Variants in HEMK2 observed in about 807,000 individuals in gnomAD.
The protein encoded by HEMK2 is HemK methyltransferase 2, ETF1 glutamine and histone H4 lysine.
the HEMK2 span, among the ~76,000 whole-genome samples, chr21:28,587,481 T>G: frequency 6.6e-6 from 1 of 152,188 alleles, no homozygotes; most frequent in Non-Finnish European, 1.5e-5. Flanking sequence ...TGTGACAAAT[T>G]TCTAAGACAC....
the HEMK2 span, among the ~76,000 whole-genome samples, chr21:28,849,514 C>A: frequency 6.6e-6 from 1 of 152,142 alleles, no homozygotes; most frequent in East Asian, 1.9e-4. Context: ...AGCAGTGATT[C>A]TTAACCAGGC....
the HEMK2 span, among the ~76,000 whole-genome samples, chr21:28,759,137 T>C: frequency 6.6e-6 from 1 of 152,218 alleles, no homozygotes; most frequent in East Asian, 1.9e-4. Flanking sequence ...CTTGGTTTAA[T>C]GCTCAGCTGC....
At chr21:28,878,101 G>T in the HEMK2 span, 1 of 1,136,490 alleles carries the variant, frequency 8.8e-7, no homozygotes. Context: ...TCATTAACAT[G>T]CCAGGTTATC....
chr21:28,782,541 G>C, the HEMK2 span, among the ~76,000 whole-genome samples: 1 of 152,036 alleles, frequency 6.6e-6, no homozygotes, highest in South Asian at 2.1e-4. Flanking sequence ...ACTTCTTCAT[G>C]TCATAAAAGG....
chr21:28,867,182 A>C, the HEMK2 span, among the ~76,000 whole-genome samples: 1 of 152,230 alleles, frequency 6.6e-6, no homozygotes, highest in Admixed American at 6.5e-5. Context: ...ACCAACAGAC[A>C]TGTACAGAGA....
the HEMK2 span, among the ~76,000 whole-genome samples, chr21:28,810,307 T>C: frequency 6.6e-6 from 1 of 152,122 alleles, no homozygotes; most frequent in South Asian, 2.1e-4. Flanking sequence ...AATAATTTAA[T>C]AGACGGACTC....
At chr21:28,820,124 C>T in the HEMK2 span, among the ~76,000 whole-genome samples, 1 of 152,128 alleles carries the variant, frequency 6.6e-6, no homozygotes, top group African/African-American at 2.4e-5. Context: ...AACTTGACCC[C>T]AAAATATGGC....
chr21:28,635,218 G>A, the HEMK2 span, among the ~76,000 whole-genome samples: 26 of 151,276 alleles, frequency 1.7e-4, no homozygotes, highest in Middle Eastern at 3.4e-3. Context: ...TCTCCTGCCT[G>A]AGCCTCCCAA....
the HEMK2 span, among the ~76,000 whole-genome samples, chr21:28,865,315 A>T: frequency 6.6e-6 from 1 of 151,980 alleles, no homozygotes; most frequent in Non-Finnish European, 1.5e-5. Flanking sequence ...ACAGGTGCAC[A>T]CCAGAATGCC....
At chr21:28,687,036 G>A in the HEMK2 span, among the ~76,000 whole-genome samples, 3 of 152,152 alleles carry the variant, frequency 2.0e-5, no homozygotes, top group Non-Finnish European at 4.4e-5. Flanking sequence ...GAGTATCAGA[G>A]GTTGAACAAA....
At chr21:28,838,505 G>C in the HEMK2 span, among the ~76,000 whole-genome samples, 1 of 151,510 alleles carries the variant, frequency 6.6e-6, no homozygotes, top group Non-Finnish European at 1.5e-5. Flanking sequence ...CTGCACTCCA[G>C]CCTGGGCGAC....
At chr21:28,752,374 C>T in the HEMK2 span, among the ~76,000 whole-genome samples, 4 of 152,160 alleles carry the variant, frequency 2.6e-5, no homozygotes, top group East Asian at 1.9e-4. Context: ...CCTCACTTGA[C>T]GGAGCACATC....
chr21:28,616,216 A>G, the HEMK2 span, among the ~76,000 whole-genome samples: 3 of 152,190 alleles, frequency 2.0e-5, no homozygotes, highest in Admixed American at 6.5e-5. Flanking sequence ...AGATAGTGCT[A>G]ATAATATAAG....
the HEMK2 span, among the ~76,000 whole-genome samples, chr21:28,739,376 T>C: frequency 6.6e-6 from 1 of 152,214 alleles, no homozygotes; most frequent in African/African-American, 2.4e-5. Flanking sequence ...TTTCTGAAAT[T>C]AAGATATTTT....
chr21:28,722,212 T>TA, the HEMK2 span, among the ~76,000 whole-genome samples: 5 of 151,576 alleles, frequency 3.3e-5, no homozygotes, highest in African/African-American at 1.2e-4. Context: ...TTTTACTGGT[T>TA]AAAAAAAATT....
chr21:28,608,876 C>A, the HEMK2 span, among the ~76,000 whole-genome samples: 1 of 152,080 alleles, frequency 6.6e-6, no homozygotes, highest in Non-Finnish European at 1.5e-5. Context: ...GAGAACCACA[C>A]CCCCATCCCT....
At chr21:28,756,470 C>A in the HEMK2 span, among the ~76,000 whole-genome samples, 1 of 152,150 alleles carries the variant, frequency 6.6e-6, no homozygotes, top group South Asian at 2.1e-4. Flanking sequence ...TCCATTCCAA[C>A]CATAAACCAA....
chr21:28,629,601 A>G, the HEMK2 span, among the ~76,000 whole-genome samples: 1 of 152,248 alleles, frequency 6.6e-6, no homozygotes, highest in East Asian at 1.9e-4. Flanking sequence ...AGTCCAGAAG[A>G]CAGCTCACTT....
the HEMK2 span, among the ~76,000 whole-genome samples, chr21:28,729,937 G>A: frequency 7.2e-5 from 11 of 152,206 alleles, no homozygotes; most frequent in African/African-American, 2.6e-4. Context: ...TCATCTTTAC[G>A]ACCCAATATA....
Sources: gnomAD v4.1 joint callset for allele counts (sites outside exome capture counted in the v4.1 genomes callset) on GRCh38, gnomAD v4.1.1 for gene constraint, MANE v1.5 for transcripts, NCBI Gene and HGNC (gene_info 2026-07-23, HGNC 2026-07-21) for gene names.